Variants in SAR1A observed in about 807,000 individuals in gnomAD.
SAR1A encodes the protein small COPII coat GTPase SAR1A.
In SAR1A, 6 loss-of-function variants were observed where a neutral mutation model predicts 22.6. That is an observed-to-expected ratio of 0.27 (90% confidence interval 0.15 to 0.52). SAR1A has a LOEUF of 0.52. SAR1A is among the 20% of genes least tolerant of loss of function. SAR1A has a pLI of 0.96. For missense variants in SAR1A, 145 were observed against 245.1 expected (o/e 0.59, Z 2.73); for synonymous variants, 70 against 82.2 (o/e 0.85, Z 0.80).
In SAR1A at chr10:70,147,918, G is replaced by A. The variant is rs1358090668; in HGVS notation, c.*4558C>T. 6.6e-6 allele frequency: 1 copy of A among 152,034 alleles called. No homozygotes were observed. The highest frequency in any genetic ancestry group is 1.5e-5 in the Non-Finnish European group (1 of 68,018). The allele number at this position is 152,034 out of a possible 1,614,324, so 9.4% of individuals were successfully genotyped here. A position where few individuals can be genotyped will look rare whatever the true frequency, so the allele number is the denominator to read the frequency against. On this transcript the variant is annotated 3_prime_UTR_variant, in exon 7 of 7. Coordinates refer to ENST00000373241, the MANE Select transcript of SAR1A (RefSeq NM_020150.5). ...TTTTGAGACGGAGTCTCGCTCTGTC[G>A]CCCAGGCTGGAGTGCAATGGTGCGA...
chr10:70,160,715 A>C (rs188349826), intron 4 of SAR1A, among the ~76,000 whole-genome samples: 40 of 152,362 alleles, frequency 2.6e-4, no homozygotes, highest in Non-Finnish European at 4.4e-4. Context: ...TGGCTATATC[A>C]GGCAAATACT....
intron 6 of SAR1A, 68 bp from the exon 7 acceptor site, chr10:70,152,660 AT>A: frequency 9.5e-7 from 1 of 1,057,990 alleles, no homozygotes; most frequent in Non-Finnish European, 1.5e-6. Context: ...AAGGACGATC[AT>A]TACAATCATT....
At chr10:70,155,196 T>G (rs1169562100) in intron 5 of SAR1A, 6 of 467,888 alleles carry the variant, frequency 1.3e-5, no homozygotes, top group Non-Finnish European at 2.7e-5. Context: ...ACAAATAGTA[T>G]CTATCTGTGG....
chr10:70,162,063 G>A (rs58224563), intron 1 of SAR1A, 132 bp from the exon 2 acceptor site: 26,544 of 666,230 alleles, frequency 0.04, 606 homozygotes, highest in East Asian at 0.062. Flanking sequence ...AAGCAGGCCA[G>A]GCATGGTGGC....
chr10:70,156,026 T>C (rs1382215640), intron 5 of SAR1A, among the ~76,000 whole-genome samples: 1 of 152,232 alleles, frequency 6.6e-6, no homozygotes, highest in Non-Finnish European at 1.5e-5. Flanking sequence ...GTAGGATTTA[T>C]ATTAATTCAC....
chr10:70,148,589 G>A lies in SAR1A; in HGVS notation c.*3887C>T, dbSNP rs1307184165. ...GAATTTCCTGAGCCCAGGAGTTTGA[G>A]ACCAGCCTGGGCAACATGATGAGAC... is the stretch of plus-strand genomic sequence containing the variant. On this transcript the variant is annotated 3_prime_UTR_variant, in exon 7 of 7. Coordinates refer to ENST00000373241, the MANE Select transcript of SAR1A (RefSeq NM_020150.5). The A allele has an allele frequency of 6.6e-6, 1 of 152,144 alleles. No individual in the cohort carries two copies. Among genetic ancestry groups the A allele is most frequent in the African/African-American group, 2.4e-5 (1 of 41,420 alleles). The allele number at this position is 152,144 out of a possible 1,614,324, so 9.4% of individuals were successfully genotyped here. A position where few individuals can be genotyped will look rare whatever the true frequency, so the allele number is the denominator to read the frequency against.
At position 70,166,685 on chromosome 10, in the gene SAR1A, A is replaced by C. The variant is rs1313538069; in HGVS notation, c.-17+3728T>G. 5 of 152,148 alleles carry C rather than the reference A, an allele frequency of 3.3e-5. No homozygotes were observed. The East Asian group carries it at 9.6e-4, about 29-fold the overall frequency. 9.4% of individuals were successfully genotyped at this position (152,148 alleles called of 1,614,324 possible). A position where few individuals can be genotyped will look rare whatever the true frequency, so the allele number is the denominator to read the frequency against. On this transcript the variant is annotated intron_variant, in intron 1 of 6. Transcript: ENST00000373241. ...CTCATTTTACAAATAGATTTTCTTA[A>C]AATAAGAATACTTATTCAGGCCGGG... is the stretch of plus-strand genomic sequence containing the variant.
At chr10:70,155,101 G>A (rs781117856) in intron 5 of SAR1A, 1 of 528,238 alleles carries the variant, frequency 1.9e-6, no homozygotes, top group South Asian at 1.4e-5. Flanking sequence ...AGGGGCCAGT[G>A]TGAGAAGTGA....
chr10:70,162,113 G>A (rs1839475956), intron 1 of SAR1A, among the ~76,000 whole-genome samples, 182 bp from the exon 2 acceptor site: 1 of 152,072 alleles, frequency 6.6e-6, no homozygotes, highest in South Asian at 2.1e-4. Context: ...GCCAAGGCAG[G>A]CGGATCACTT....
chr10:70,152,908 G>A (rs4746023), intron 6 of SAR1A, among the ~76,000 whole-genome samples: 57,861 of 152,024 alleles, frequency 0.38, 12,038 homozygotes, highest in East Asian at 0.56. Context: ...CATGCCCTCT[G>A]ATGCAGAAAA....
At position 70,161,252 on chromosome 10, in the gene SAR1A, C is replaced by T. The variant is rs186758822; in HGVS notation, c.179-183G>A. 1.1e-5 allele frequency: 6 copies of T among 569,602 alleles called. No homozygotes were observed. In the South Asian group the frequency reaches 1.2e-4, roughly 11 times the overall value. 35.3% of individuals were successfully genotyped at this position (569,602 alleles called of 1,614,324 possible). On this transcript the variant is annotated intron_variant, in intron 3 of 6. Coordinates refer to ENST00000373241, the MANE Select transcript of SAR1A (RefSeq NM_020150.5). ...CTGAGGGCAGGAGGATAATCTGAGC[C>T]CAGGATTTTTGAGACCAGCCCAGGC... is the stretch of plus-strand genomic sequence containing the variant.
At chr10:70,163,053 T>C (rs1448184074) in intron 1 of SAR1A, 1 of 152,064 alleles carries the variant, frequency 6.6e-6, no homozygotes, top group Non-Finnish European at 1.5e-5. Flanking sequence ...AAAGCAAAAG[T>C]TAGAAATGAT....
In SAR1A at chr10:70,151,036, A is replaced by G. The variant is rs1171870157; in HGVS notation, c.*1440T>C. On this transcript the variant is annotated 3_prime_UTR_variant, in exon 7 of 7. Coordinates refer to ENST00000373241, the MANE Select transcript of SAR1A (RefSeq NM_020150.5). ...TCTTTTGATCTTTTATTATAAGGGT[A>G]GAATATAGATTAAGATCATCAAAAT... 4 of 152,154 alleles carry G rather than the reference A, an allele frequency of 2.6e-5. No homozygotes were observed. Among genetic ancestry groups the G allele is most frequent in the African/African-American group, 9.7e-5 (4 of 41,436 alleles). The allele number at this position is 152,154 out of a possible 1,614,324, so 9.4% of individuals were successfully genotyped here.
At chr10:70,163,014 C>T (rs1345322215) in intron 1 of SAR1A, 18 of 152,212 alleles carry the variant, frequency 1.2e-4, no homozygotes, top group Admixed American at 1.1e-3. Context: ...TCCCTATTCT[C>T]CAAGTGAAAG....
intron 1 of SAR1A, among the ~76,000 whole-genome samples, chr10:70,163,239 AAAT>A (rs576991803): frequency 6.6e-6 from 1 of 152,244 alleles, no homozygotes; most frequent in Non-Finnish European, 1.5e-5. Context: ...TGCTGATAAA[AAAT>A]AATAATAAAA....
chr10:70,156,709 C>T (rs1167192243), intron 5 of SAR1A, among the ~76,000 whole-genome samples: 1 of 149,320 alleles, frequency 6.7e-6, no homozygotes, highest in African/African-American at 2.5e-5. Context: ...GACTGCGTGG[C>T]AGGCAATTCT....
At chr10:70,156,844 G>GAAGA (rs1839394904) in intron 5 of SAR1A, among the ~76,000 whole-genome samples, 1 of 152,142 alleles carries the variant, frequency 6.6e-6, no homozygotes, top group African/African-American at 2.4e-5. Flanking sequence ...ATAGGGTAAA[G>GAAGA]GAGTAGGGAT....
intron 2 of SAR1A, 25 bp from the exon 3 acceptor site, chr10:70,161,763 A>G: frequency 6.2e-7 from 1 of 1,613,704 alleles, no homozygotes; most frequent in Non-Finnish European, 8.5e-7. Context: ...AATTGTTAAC[A>G]CATTTGCTCT....
chr10:70,154,026 A>G, intron 5 of SAR1A, 57 bp from the exon 6 acceptor site: 1 of 1,339,770 alleles, frequency 7.5e-7, no homozygotes, highest in Non-Finnish European at 1.0e-6. Flanking sequence ...GGAATCTACA[A>G]AAGCCCACCA....
Sources: allele counts gnomAD v4.1 joint callset (sites outside exome capture counted in the v4.1 genomes callset), GRCh38; gene constraint gnomAD v4.1.1; transcripts MANE v1.5; gene names NCBI Gene and HGNC (gene_info 2026-07-23, HGNC 2026-07-21).